Variants in DNAH5 observed in about 807,000 individuals in gnomAD.
DNAH5 encodes the protein axonemal beta dynein heavy chain 5.
Under a neutral mutation model 518.2 loss-of-function variants are expected in DNAH5, and 372 were observed. That is an observed-to-expected ratio of 0.72 (90% CI 0.66 to 0.78). DNAH5 has a LOEUF of 0.78. DNAH5 is among the 30% of genes least tolerant of loss of function. DNAH5 has a pLI of 0.00. For missense variants in DNAH5, 5,523 were observed against 5,687.0 expected (o/e 0.97, Z 0.93); for synonymous variants, 2,039 against 2,025.9 (o/e 1.01, Z -0.17).
intron 76 of DNAH5, among the ~76,000 whole-genome samples, chr5:13,701,835 A>G (rs1297215363): frequency 1.3e-5 from 2 of 152,344 alleles, no homozygotes; most frequent in East Asian, 3.9e-4. Flanking sequence ...ATTTCAATCT[A>G]TAACACATAA....
chr5:13,984,666 T>A (rs1034312857), intron 1 of DNAH5, among the ~76,000 whole-genome samples: 1 of 152,244 alleles, frequency 6.6e-6, no homozygotes, highest in African/African-American at 2.4e-5. Context: ...GCTGTGGGTT[T>A]GTCATAAATA....
intron 15 of DNAH5, among the ~76,000 whole-genome samples, chr5:13,897,299 T>A (rs182767310): frequency 6.6e-6 from 1 of 152,374 alleles, no homozygotes; most frequent in Admixed American, 6.5e-5. Flanking sequence ...TGCTTGTTTT[T>A]TTTCAATGTC....
rs945496928 is a variant in DNAH5, at chr5:13,811,517, C to A, written c.7407+130G>T. 5.5e-6 allele frequency: 5 copies of A among 901,218 alleles called. No individual in the cohort carries two copies. The African/African-American group carries it at 8.4e-5, about 15-fold the overall frequency. 55.8% of individuals were successfully genotyped at this position (901,218 alleles called of 1,614,324 possible). On this transcript the variant is annotated intron_variant, in intron 44 of 78. Transcript: ENST00000265104. The stretch of plus-strand genomic sequence containing the variant: ...ATTCCCCCTCCCCAACAGCTCTAAC[C>A]AAATCTAATTTCAAATATAGTACTC...
chr5:13,841,929 A>G, intron 32 of DNAH5, 25 bp from the exon 33 acceptor site: 1 of 1,176,264 alleles, frequency 8.5e-7, no homozygotes, highest in African/African-American at 1.5e-5. Context: ...AAAAAAAAAA[A>G]AAAAAAAAGC....
At chr5:13,795,297 G>A (rs545245367) in intron 47 of DNAH5, among the ~76,000 whole-genome samples, 10 of 151,754 alleles carry the variant, frequency 6.6e-5, no homozygotes, top group Non-Finnish European at 1.5e-4. Context: ...ATTGATAGAC[G>A]GCTAGCAAGA....
intron 7 of DNAH5, 23 bp from the exon 8 acceptor site, chr5:13,917,279 A>G: frequency 1.9e-6 from 3 of 1,557,134 alleles, no homozygotes; most frequent in South Asian, 1.1e-5. Flanking sequence ...GGGAAAAGCA[A>G]TTTTAATGTA....
intron 1 of DNAH5, among the ~76,000 whole-genome samples, chr5:13,937,055 C>A (rs1778989061): frequency 6.6e-6 from 1 of 151,858 alleles, no homozygotes; most frequent in Admixed American, 6.6e-5. Context: ...ACGTTATTAT[C>A]TCCACACCAG....
intron 1 of DNAH5, among the ~76,000 whole-genome samples, chr5:13,980,739 T>G (rs1324867844): frequency 6.6e-6 from 1 of 152,154 alleles, no homozygotes; most frequent in Non-Finnish European, 1.5e-5. Context: ...CCTTTGAGAA[T>G]GGAGGTCAGT....
chr5:13,717,748 A>G (rs1744500279), intron 72 of DNAH5, among the ~76,000 whole-genome samples: 2 of 152,138 alleles, frequency 1.3e-5, no homozygotes, highest in African/African-American at 4.8e-5. Context: ...GCTTGCTAAC[A>G]TGGGTCAACT....
In DNAH5 at chr5:13,691,322, G is replaced by C. The variant is rs1042159329; in HGVS notation, c.*662C>G. On this transcript the variant is annotated 3_prime_UTR_variant, in exon 79 of 79. Transcript: ENST00000265104. ...AATTTGTGAGTGGATCAGTTTTACT[G>C]AGAGCATGCTATCATTTACTTTTAG... is the stretch of plus-strand genomic sequence containing the variant. 2.6e-5 allele frequency: 4 copies of C among 152,108 alleles called. No individual in the cohort carries two copies. The highest frequency in any genetic ancestry group is 5.9e-5 in the Non-Finnish European group (4 of 68,022). The allele number at this position is 152,108 out of a possible 1,614,324, so 9.4% of individuals were successfully genotyped here. A position where few individuals can be genotyped will look rare whatever the true frequency, so the allele number is the denominator to read the frequency against.
intron 39 of DNAH5, among the ~76,000 whole-genome samples, chr5:13,823,793 C>T (rs754027705): frequency 8.5e-5 from 13 of 152,092 alleles, no homozygotes; most frequent in East Asian, 1.9e-4. Context: ...CATAGATCCA[C>T]GGATAGTGGG....
chr5:13,698,823 ACGT>A (rs1269720072), intron 78 of DNAH5, among the ~76,000 whole-genome samples: 1 of 152,262 alleles, frequency 6.6e-6, no homozygotes, highest in Non-Finnish European at 1.5e-5. Context: ...AGAAATATGT[ACGT>A]CTGGCAACTC....
rs1190533737 is a variant in DNAH5, at chr5:13,751,139, G to A, written c.11150C>T (p.Thr3717Ile). 1 of 1,614,002 alleles carries A rather than the reference G, an allele frequency of 6.2e-7. No individual in the cohort carries two copies. Among genetic ancestry groups the A allele is most frequent in the East Asian group, 2.2e-5 (1 of 44,864 alleles). ...ISARTSIIDF[T>I]VTMKGLEDQL... ...ATCTTCTAGACCTTTCATGGTGACA[G>A]TGAAGTCAATGATGGAGGTACGGGC... Residue 3717 changes from threonine (T) to isoleucine (I), a missense_variant, in exon 65 of 79, where the codon ACT (threonine) becomes ATT (isoleucine). Thr to Ile is a moderately conservative substitution (Grantham distance 89). Around this residue, in one of 3 missense-constraint regions of DNAH5, gnomAD observed 5,121 missense variants for 5,223.3 expected, o/e 0.98. Coordinates refer to ENST00000265104, the MANE Select transcript of DNAH5 (RefSeq NM_001369.3).
At chr5:13,842,189 G>A (rs1442172460) in intron 32 of DNAH5, among the ~76,000 whole-genome samples, 3 of 151,710 alleles carry the variant, frequency 2.0e-5, no homozygotes, top group Admixed American at 6.6e-5. Flanking sequence ...AGACCAGCCC[G>A]GGCAATATGG....
rs751243427 is a variant in DNAH5, at chr5:13,786,204, G to A, written c.8795C>T (p.Ala2932Val). ...RGAGMDMVFF[A>V]DAMVHLVKIS... is the part of the protein sequence containing the mutation. ...CTTGACTAAGTGAACCATGGCATCT[G>A]CAAAGAACACCATGTCCATGCCGGC... The change falls in exon 52 of 79, where the codon GCA becomes GTA. Residue 2932 changes from alanine to valine, a missense_variant. Physicochemically the swap from Ala to Val is moderately conservative, Grantham distance 64. Transcript: ENST00000265104. The A allele has an allele frequency of 1.9e-6, 3 of 1,613,874 alleles. No homozygotes were observed. The highest frequency in any genetic ancestry group is 8.5e-7 in the Non-Finnish European group (1 of 1,179,990).
intron 1 of DNAH5, among the ~76,000 whole-genome samples, chr5:14,007,865 G>A (rs930841509): frequency 1.3e-5 from 2 of 152,192 alleles, no homozygotes; most frequent in Non-Finnish European, 2.9e-5. Context: ...TGAAAAAAAG[G>A]TCTGTCAGAA....
chr5:14,003,302 G>C (rs1784488493), intron 1 of DNAH5, among the ~76,000 whole-genome samples: 1 of 152,148 alleles, frequency 6.6e-6, no homozygotes, highest in Non-Finnish European at 1.5e-5. Context: ...GTTTGGGCCT[G>C]GGAGAATTTC....
intron 1 of DNAH5, among the ~76,000 whole-genome samples, chr5:13,972,601 T>C (rs756507983): frequency 4.5e-4 from 68 of 152,324 alleles, no homozygotes; most frequent in Non-Finnish European, 7.2e-4. Flanking sequence ...TCCTGTGATC[T>C]GGACCTTCAG....
intron 16 of DNAH5, 124 bp downstream of exon 16, chr5:13,894,526 A>G: frequency 9.4e-7 from 1 of 1,058,350 alleles, no homozygotes; most frequent in Non-Finnish European, 1.4e-6. Context: ...TCCTTATGAA[A>G]CAGCTTAAGA....
Sources: allele counts gnomAD v4.1 joint callset (sites outside exome capture counted in the v4.1 genomes callset), GRCh38; gene constraint gnomAD v4.1.1; regional missense constraint gnomAD v4.1.1; transcripts MANE v1.5; gene names NCBI Gene and HGNC (gene_info 2026-07-23, HGNC 2026-07-21).